The following RFC4 variants were observed in gnomAD, a reference collection of about 807,000 sequenced individuals.
RFC4 encodes the protein replication factor C subunit 4, also known as A1 37 kDa subunit.
RFC4 carries 38 observed loss-of-function variants against 47.6 expected under a neutral mutation model. That is an observed-to-expected ratio of 0.80 (90% CI 0.62 to 1.05). RFC4 has a LOEUF of 1.05. Among genes scored for constraint, RFC4 ranks in the 50% least tolerant of loss-of-function variants. RFC4 has a pLI of 0.00. For synonymous variants in RFC4, 164 were observed against 150.0 expected, an observed-to-expected ratio of 1.09 and a Z score of -0.68; for missense variants, 489 against 434.0, an observed-to-expected ratio of 1.13 and a Z score of -1.13.
chr3:186,799,074 T>C (rs1370444628), intron 3 of RFC4, among the ~76,000 whole-genome samples: 1 of 152,202 alleles, frequency 6.6e-6, no homozygotes, highest in East Asian at 1.9e-4. Flanking sequence ...GTAATTAAGG[T>C]CTACAACTAT....
chr3:186,805,252 A>C (rs1366257066), intron 1 of RFC4, among the ~76,000 whole-genome samples: 1 of 151,936 alleles, frequency 6.6e-6, no homozygotes, highest in African/African-American at 2.4e-5. Context: ...ACAGGGTCTC[A>C]CTCTTTTGCC....
chr3:186,790,540 A>G, intron 8 of RFC4, 134 bp from the exon 9 acceptor site: 1 of 693,584 alleles, frequency 1.4e-6, no homozygotes, highest in South Asian at 1.6e-5. Context: ...AGGCTTTGGG[A>G]GAACGGAAAG....
intron 8 of RFC4, 150 bp from the exon 9 acceptor site, chr3:186,790,556 G>C: frequency 1.5e-6 from 1 of 658,888 alleles, no homozygotes; most frequent in East Asian, 2.7e-5. Flanking sequence ...GAAAGGGCCA[G>C]AGTAACTCCA....
intron 2 of RFC4, among the ~76,000 whole-genome samples, chr3:186,804,101 T>C (rs1484442950): frequency 6.6e-6 from 1 of 152,066 alleles, no homozygotes; most frequent in Non-Finnish European, 1.5e-5. Context: ...GATAATCACC[T>C]GAACCCAGGA....
At chr3:186,794,073 T>C (rs1048632040) in intron 5 of RFC4, among the ~76,000 whole-genome samples, 8 of 152,218 alleles carry the variant, frequency 5.3e-5, no homozygotes, top group African/African-American at 1.7e-4. Flanking sequence ...GTTTTTAAAG[T>C]TCTTCATATG....
chr3:186,805,998 TG>T (rs1722472525), intron 1 of RFC4, among the ~76,000 whole-genome samples: 2 of 152,258 alleles, frequency 1.3e-5, no homozygotes, highest in Non-Finnish European at 2.9e-5. Flanking sequence ...GTTCCTTGCT[TG>T]GCATATGGGG....
chr3:186,791,638 A>C, intron 8 of RFC4, 87 bp downstream of exon 8: 1 of 1,190,730 alleles, frequency 8.4e-7, no homozygotes, highest in Non-Finnish European at 1.3e-6. Context: ...GGCACTTGCT[A>C]AACACCCAGT....
chr3:186,804,573 G>A lies in RFC4; in HGVS notation c.131+10C>T, dbSNP rs1319584275. 2.5e-6 allele frequency: 4 copies of A among 1,612,580 alleles called. No individual in the cohort carries two copies. The highest frequency in any genetic ancestry group is 3.4e-6 in the Non-Finnish European group (4 of 1,178,976). Reference sequence around the variant, plus strand: ...ATGAATTATTTTAACAAAGACACAAGTGTTCTTACTATTTTTCCACCCAGG... The same window carrying A: ...ATGAATTATTTTAACAAAGACACAAATGTTCTTACTATTTTTCCACCCAGG... On this transcript the variant is annotated intron_variant, in intron 2 of 10. Coordinates refer to ENST00000296273, the MANE Select transcript of RFC4 (RefSeq NM_002916.5).
chr3:186,805,079 G>T (rs959416452), intron 1 of RFC4, among the ~76,000 whole-genome samples: 6 of 152,140 alleles, frequency 3.9e-5, no homozygotes, highest in Non-Finnish European at 8.8e-5. Context: ...AACCACATGG[G>T]CCTCCATGGT....
chr3:186,800,790 T>C (rs1175411482), intron 3 of RFC4, among the ~76,000 whole-genome samples: 1 of 152,226 alleles, frequency 6.6e-6, no homozygotes, highest in Non-Finnish European at 1.5e-5. Flanking sequence ...TTGTTTATTC[T>C]ATCTTTCCTT....
intron 4 of RFC4, among the ~76,000 whole-genome samples, chr3:186,797,316 T>C (rs1349141338): frequency 6.6e-6 from 1 of 152,174 alleles, no homozygotes; most frequent in Non-Finnish European, 1.5e-5. Context: ...TCCCCACACT[T>C]GAACAAGATT....
chr3:186,804,981 T>A, intron 1 of RFC4: 1 of 329,524 alleles, frequency 3.0e-6, no homozygotes, highest in Non-Finnish European at 5.5e-6. Context: ...CTATTTCTAG[T>A]GCAGGAGTTA....
At position 186,792,491 on chromosome 3, in the gene RFC4, T is replaced by C; in HGVS notation, c.674A>G (p.Glu225Gly). The C allele has an allele frequency of 6.2e-7, 1 of 1,609,870 alleles. No homozygotes were observed. The highest frequency in any genetic ancestry group is 8.5e-7 in the Non-Finnish European group (1 of 1,176,342). ...AKKENVKISD[E>G]GIAYLVKVSE... ...ATAATTGTAATAATTAGTAATTACC[T>C]CATCACTAATTTTGACATTTTCCTT... The change falls in exon 7 of 11, where the codon GAG becomes GGG. Residue 225 changes from glutamate (E) to glycine (G), a missense_variant and splice_region_variant. Glu to Gly is a moderately conservative substitution (Grantham distance 98, BLOSUM62 -2). This residue lies in a region of RFC4 where 283 missense variants were observed against 176.2 expected (regional missense o/e 1.61). Coordinates refer to ENST00000296273, the MANE Select transcript of RFC4 (RefSeq NM_002916.5).
Position 186,793,346 on chromosome 3 carries a change from T to C in RFC4, c.411-399A>G, listed in dbSNP as rs545345892. The stretch of plus-strand genomic sequence containing the variant: ...GTAGCATGTGTTTGCGTCATTCCTT[T>C]GTATTGTCAAATACTATGGCAAATA... On this transcript the variant is annotated intron_variant, in intron 5 of 10. Coordinates refer to ENST00000296273, the MANE Select transcript of RFC4 (RefSeq NM_002916.5). The surrounding 1 kb of genome is among the most constrained non-coding windows in gnomAD (Gnocchi z 4.2). Among the ~76,000 whole-genome samples the C allele has an allele frequency of 6.6e-6, 1 of 152,378 alleles. No homozygotes were observed. The highest frequency in any genetic ancestry group is 2.4e-5 in the African/African-American group (1 of 41,592).
Position 186,804,643 on chromosome 3 carries a change from G to A in RFC4, c.71C>T (p.Ala24Val). 3 of 1,614,074 alleles carry A rather than the reference G, an allele frequency of 1.9e-6. No individual in the cohort carries two copies. Among genetic ancestry groups the A allele is most frequent in the Non-Finnish European group, 2.5e-6 (3 of 1,180,000 alleles). The change falls in exon 2 of 11, where the codon GCC (alanine) becomes GTC (valine). Residue 24 changes from alanine (A) to valine (V), a missense_variant. This residue lies in a region of RFC4 where 206 missense variants were observed against 257.8 expected (regional missense o/e 0.80). Coordinates refer to ENST00000296273, the MANE Select transcript of RFC4 (RefSeq NM_002916.5). ...GTTCTCTCCGCTACTTCCCGCACTG[G>A]CAGCTACTCCTCGATCCTTGGTCAG... ...PPLTKDRGVAASAGSSGENKK... is the reference protein window; with the variant it reads ...PPLTKDRGVAVSAGSSGENKK...
At chr3:186,791,487 A>G (rs201967675) in intron 8 of RFC4, 2 of 472,386 alleles carry the variant, frequency 4.2e-6, no homozygotes, top group Non-Finnish European at 7.6e-6. Context: ...AAAAAACAAA[A>G]AAACTAACAA....
chr3:186,798,406 G>A (rs1284496249), intron 3 of RFC4, among the ~76,000 whole-genome samples: 1 of 152,130 alleles, frequency 6.6e-6, no homozygotes, highest in African/African-American at 2.4e-5. Context: ...AAGGAAATCA[G>A]TGTACACAGG....
chr3:186,798,915 A>C (rs1238675490), intron 3 of RFC4, among the ~76,000 whole-genome samples: 3 of 152,354 alleles, frequency 2.0e-5, no homozygotes, highest in African/African-American at 7.2e-5. Flanking sequence ...TCTAGCATCT[A>C]CTACAGTAGT....
chr3:186,791,567 C>G, intron 8 of RFC4, 158 bp downstream of exon 8: 1 of 715,068 alleles, frequency 1.4e-6, no homozygotes, highest in Non-Finnish European at 2.5e-6. Context: ...AGTGCTATCT[C>G]CTCACCTCAA....
Sources: allele counts gnomAD v4.1 joint callset (sites outside exome capture counted in the v4.1 genomes callset), GRCh38; gene constraint gnomAD v4.1.1; regional missense constraint gnomAD v4.1.1; non-coding constraint Gnocchi (gnomAD v3.1); transcripts MANE v1.5; gene names NCBI Gene and HGNC (gene_info 2026-07-23, HGNC 2026-07-21).